Variants in AGPAT5 observed in about 807,000 individuals in gnomAD.
AGPAT5 encodes the protein 1-acylglycerol-3-phosphate O-acyltransferase 5, also known as 1-acyl-sn-glycerol-3-phosphate acyltransferase epsilon.
In AGPAT5, 46 loss-of-function variants were observed where a neutral mutation model predicts 45.6. That is an observed-to-expected ratio of 1.01 (90% CI 0.80 to 1.29). The LOEUF is 1.29. AGPAT5 is among the 50% of genes most tolerant of loss of function. The probability of loss-of-function intolerance (pLI) is 0.00; values close to 1 mark genes in which losing one functional copy is unlikely to be tolerated. For synonymous variants in AGPAT5, 272 were observed against 167.0 expected, an observed-to-expected ratio of 1.63 and a Z score of -4.85; for missense variants, 673 against 450.7, an observed-to-expected ratio of 1.49 and a Z score of -4.47.
At chr8:6,725,120 A>G (rs548473539) in intron 2 of AGPAT5, among the ~76,000 whole-genome samples, 181 bp downstream of exon 2, 2 of 152,308 alleles carry the variant, frequency 1.3e-5, no homozygotes, top group South Asian at 2.1e-4. Context: ...CTTGAAAGCT[A>G]TGAATTTTCC....
intron 3 of AGPAT5, among the ~76,000 whole-genome samples, chr8:6,731,498 T>C (rs549499209): frequency 6.6e-6 from 1 of 152,254 alleles, no homozygotes; most frequent in African/African-American, 2.4e-5. Context: ...TGTTATACTT[T>C]ATTTTTTATT....
chr8:6,738,187 A>G (rs1263156135), intron 4 of AGPAT5, among the ~76,000 whole-genome samples: 1 of 151,384 alleles, frequency 6.6e-6, no homozygotes, highest in Non-Finnish European at 1.5e-5. Flanking sequence ...CTTTCAACAT[A>G]CCTTCCTCAC....
At position 6,759,312 on chromosome 8, in the gene AGPAT5, A is replaced by G. The variant is rs1188628758; in HGVS notation, c.*1924A>G. 2 of 152,230 alleles carry G rather than the reference A, an allele frequency of 1.3e-5. No homozygotes were observed. Among genetic ancestry groups the G allele is most frequent in the Admixed American group, 6.5e-5 (1 of 15,286 alleles). 9.4% of individuals were successfully genotyped at this position (152,230 alleles called of 1,614,324 possible). ...ATTTTAACAAGGTAGCCTGACCTGC[A>G]TAAGATCACTTGAATGTTAGGTTTC... On this transcript the variant is annotated 3_prime_UTR_variant, in exon 8 of 8. Transcript: ENST00000285518.
chr8:6,708,683 G>A lies in AGPAT5; in HGVS notation c.15G>A (p.Leu5=), dbSNP rs756594404. 2 of 1,599,378 alleles carry A rather than the reference G, an allele frequency of 1.3e-6. No homozygotes were observed. Among genetic ancestry groups the A allele is most frequent in the Non-Finnish European group, 1.7e-6 (2 of 1,178,106 alleles). ...GAGCTGAGAAGATGCTGCTGTCCCT[G>A]GTGCTCCACACGTACTCCATGCGCT... MLLS[L]VLHTYSMRYL... The change falls in exon 1 of 8, where the codon CTG becomes CTA. Residue 5 remains leucine (L), a synonymous_variant. Coordinates refer to ENST00000285518, the MANE Select transcript of AGPAT5 (RefSeq NM_018361.5).
At chr8:6,722,776 T>G (rs912505482) in intron 1 of AGPAT5, among the ~76,000 whole-genome samples, 1 of 152,230 alleles carries the variant, frequency 6.6e-6, no homozygotes, top group African/African-American at 2.4e-5. Flanking sequence ...ATGAAGATAG[T>G]TATTCAGAAA....
intron 4 of AGPAT5, among the ~76,000 whole-genome samples, chr8:6,734,854 T>C (rs2116908994): frequency 6.6e-6 from 1 of 152,186 alleles, no homozygotes; most frequent in South Asian, 2.1e-4. Flanking sequence ...CAGGTTTCTG[T>C]AGAACTCATT....
chr8:6,755,386 T>C (rs148632382), intron 7 of AGPAT5, among the ~76,000 whole-genome samples: 15 of 152,358 alleles, frequency 9.8e-5, no homozygotes, highest in African/African-American at 7.2e-5. Flanking sequence ...TCTACTTGCA[T>C]TGATAGTATT....
intron 2 of AGPAT5, among the ~76,000 whole-genome samples, chr8:6,726,231 T>C (rs1285372914): frequency 6.6e-6 from 1 of 152,226 alleles, no homozygotes; most frequent in Non-Finnish European, 1.5e-5. Context: ...GCTTTTCCTG[T>C]CCTGCTGCTG....
At chr8:6,753,565 T>G (rs926452465) in intron 6 of AGPAT5, among the ~76,000 whole-genome samples, 1 of 152,148 alleles carries the variant, frequency 6.6e-6, no homozygotes, top group Non-Finnish European at 1.5e-5. Context: ...CTATTATTAT[T>G]ATCCCTACTT....
intron 1 of AGPAT5, among the ~76,000 whole-genome samples, chr8:6,716,022 C>T (rs73524926): frequency 0.021 from 3,254 of 152,234 alleles, 117 homozygotes; most frequent in African/African-American, 0.074. Context: ...TTCTGGGCCG[C>T]CCCTCCCCAC....
rs1388767751 is a variant in AGPAT5, at chr8:6,758,947, A to T, written c.*1559A>T. 2 of 152,664 alleles carry T rather than the reference A, an allele frequency of 1.3e-5. No homozygotes were observed. The highest frequency in any genetic ancestry group is 4.8e-5 in the African/African-American group (2 of 41,468). The allele number at this position is 152,664 out of a possible 1,614,324, so 9.5% of individuals were successfully genotyped here. A position where few individuals can be genotyped will look rare whatever the true frequency, so the allele number is the denominator to read the frequency against. ...AAGAAATAATGATTAAGGGAAAATT[A>T]AGTGACTGTGTTACACTGCTTCTCC... On this transcript the variant is annotated 3_prime_UTR_variant, in exon 8 of 8. Coordinates refer to ENST00000285518, the MANE Select transcript of AGPAT5 (RefSeq NM_018361.5).
At chr8:6,710,972 G>C (rs1800137274) in intron 1 of AGPAT5, among the ~76,000 whole-genome samples, 2 of 152,098 alleles carry the variant, frequency 1.3e-5, no homozygotes, top group East Asian at 1.9e-4. Flanking sequence ...TGATTCTCTT[G>C]TTCTGTATAA....
rs748113238 is a variant in AGPAT5 at position 6,761,355 on chromosome 8, A to G, written c.*3967A>G. Among the ~76,000 whole-genome samples, 7 of 152,174 alleles carry G rather than the reference A, an allele frequency of 4.6e-5. No homozygotes were observed. Among genetic ancestry groups the G allele is most frequent in the Non-Finnish European group, 8.8e-5 (6 of 68,022 alleles). On this transcript the variant is annotated 3_prime_UTR_variant, in exon 8 of 8. Transcript: ENST00000285518. The stretch of plus-strand genomic sequence containing the variant: ...CATGTCTTTTTTTAAAAAAGGTGCT[A>G]TTGAAATTCTGTGTCTCCAGCAGGC...
At chr8:6,712,368 G>C (rs1202176533) in intron 1 of AGPAT5, among the ~76,000 whole-genome samples, 2 of 131,528 alleles carry the variant, frequency 1.5e-5, no homozygotes, top group Non-Finnish European at 3.1e-5. Context: ...TTACCATCTT[G>C]TGATTATATA....
intron 1 of AGPAT5, among the ~76,000 whole-genome samples, chr8:6,721,255 C>T (rs1800486690): frequency 6.6e-6 from 1 of 152,176 alleles, no homozygotes; most frequent in African/African-American, 2.4e-5. Context: ...CATAAAAATA[C>T]ATTTAAAAGT....
chr8:6,737,214 G>A (rs1204646490), intron 4 of AGPAT5, among the ~76,000 whole-genome samples: 1 of 152,162 alleles, frequency 6.6e-6, no homozygotes, highest in Non-Finnish European at 1.5e-5. Context: ...CACTGTCCCA[G>A]GTCGGGTTTC....
chr8:6,760,790 A>G lies in AGPAT5; in HGVS notation c.*3402A>G, dbSNP rs1802013922. Among the ~76,000 whole-genome samples, 1 of 151,852 alleles carries G rather than the reference A, an allele frequency of 6.6e-6. No individual in the cohort carries two copies. The highest frequency in any genetic ancestry group is 1.5e-5 in the Non-Finnish European group (1 of 68,038). Reference sequence around the variant, plus strand: ...TATCACTTAGTATAATTGACATTATATAGAGACTATGTAACATGCAATCAT... The same window carrying G: ...TATCACTTAGTATAATTGACATTATGTAGAGACTATGTAACATGCAATCAT... On this transcript the variant is annotated 3_prime_UTR_variant, in exon 8 of 8. Coordinates refer to ENST00000285518, the MANE Select transcript of AGPAT5 (RefSeq NM_018361.5).
chr8:6,739,377 G>A (rs1224103784), intron 4 of AGPAT5, among the ~76,000 whole-genome samples: 2 of 152,092 alleles, frequency 1.3e-5, no homozygotes, highest in African/African-American at 2.4e-5. Context: ...ATGAATTTGG[G>A]AAGAATTGAT....
intron 6 of AGPAT5, among the ~76,000 whole-genome samples, chr8:6,750,967 T>A (rs917474370): frequency 3.3e-5 from 5 of 152,228 alleles, no homozygotes; most frequent in African/African-American, 1.2e-4. Flanking sequence ...ACATAAGATA[T>A]AATAATAACA....
Sources: allele counts gnomAD v4.1 joint callset (sites outside exome capture counted in the v4.1 genomes callset), GRCh38; gene constraint gnomAD v4.1.1; transcripts MANE v1.5; gene names NCBI Gene and HGNC (gene_info 2026-07-23, HGNC 2026-07-21).